The following CHD2 variants were observed in gnomAD, a reference collection of about 807,000 sequenced individuals.
CHD2 encodes the protein ATP-dependent chromatin remodeler CHD2.
CHD2 carries 28 observed loss-of-function variants against 243.9 expected under a neutral mutation model. The ratio of observed to expected loss-of-function variants is 0.11; its 90% CI spans 0.09 to 0.16. The LOEUF is 0.16. Ranked by LOEUF, CHD2 falls within the 10% of genes least tolerant of loss-of-function variation. The probability of loss-of-function intolerance (pLI) is 1.00; values close to 1 mark genes in which losing one functional copy is unlikely to be tolerated. For synonymous variants in CHD2, 775 were observed against 779.0 expected, an observed-to-expected ratio of 0.99 and a Z score of 0.09; for missense variants, 1,386 against 2,209.8, an observed-to-expected ratio of 0.63 and a Z score of 7.47.
chr15:92,928,718 G>T (rs1260663647), intron 4 of CHD2, among the ~76,000 whole-genome samples: 5 of 152,204 alleles, frequency 3.3e-5, no homozygotes, highest in African/African-American at 9.6e-5. Context: ...TGGCTGATGG[G>T]TACTGTATTG....
At chr15:93,017,496 T>A (rs2054478742) in intron 37 of CHD2, among the ~76,000 whole-genome samples, 1 of 121,310 alleles carries the variant, frequency 8.2e-6, no homozygotes, top group South Asian at 2.7e-4. Context: ...GGGCTAATTT[T>A]TTTTTTTTTT....
In CHD2 at chr15:92,941,950, AAGG is replaced by A. The variant is rs1458462083; in HGVS notation, c.825_826+1del. On this transcript the variant is annotated inframe_deletion and splice_region_variant, in exon 8 of 39. Transcript: ENST00000394196. ...GTCTTAGATTCAAGACTGGGAAAGA[AAGG>A]AGGTATGTGTATTTGGGGAGCAAAT... 5 of 1,612,154 alleles carry A rather than the reference AAGG, an allele frequency of 3.1e-6. No homozygotes were observed. The highest frequency in any genetic ancestry group is 4.2e-6 in the Non-Finnish European group (5 of 1,179,322).
At chr15:92,984,243 T>G in intron 24 of CHD2, 87 bp from the exon 25 acceptor site, 1 of 1,014,802 alleles carries the variant, frequency 9.9e-7, no homozygotes, top group Non-Finnish European at 1.3e-6. Flanking sequence ...TCACAGTGTC[T>G]ACTTAGATAA....
At chr15:92,905,699 A>C (rs951994704) in intron 2 of CHD2, among the ~76,000 whole-genome samples, 1 of 152,242 alleles carries the variant, frequency 6.6e-6, no homozygotes, top group African/African-American at 2.4e-5. Context: ...TAGTTTGTGA[A>C]AACTAGCTGA....
chr15:92,967,279 C>A (rs889261281), intron 16 of CHD2, 46 bp from the exon 17 acceptor site: 1 of 1,338,180 alleles, frequency 7.5e-7, no homozygotes, highest in East Asian at 2.5e-5. Context: ...TCCTATTCTT[C>A]TTTTCCTCAA....
In CHD2 at chr15:92,900,446, G is replaced by C. The variant is rs1313106738; in HGVS notation, c.-450G>C. On this transcript the variant is annotated 5_prime_UTR_variant, in exon 1 of 39. Transcript: ENST00000394196. ...CGGGCAGCCTCAGGGGGCCCCCGTA[G>C]CCCCCTGCCTTTCCTAGGGACTTAC... The C allele has an allele frequency of 2.5e-6, 1 of 396,896 alleles. No individual in the cohort carries two copies. Among genetic ancestry groups the C allele is most frequent in the Non-Finnish European group, 4.4e-6 (1 of 225,102 alleles). The allele number at this position is 396,896 out of a possible 1,614,324, so 24.6% of individuals were successfully genotyped here. A position where few individuals can be genotyped will look rare whatever the true frequency, so the allele number is the denominator to read the frequency against.
intron 37 of CHD2, among the ~76,000 whole-genome samples, chr15:93,018,743 C>T (rs185445759): frequency 4.6e-5 from 7 of 152,006 alleles, no homozygotes; most frequent in Non-Finnish European, 7.4e-5. Context: ...TGACTCACGC[C>T]GATTTCTGCC....
At chr15:92,934,127 A>C (rs2053224324) in intron 5 of CHD2, among the ~76,000 whole-genome samples, 1 of 152,212 alleles carries the variant, frequency 6.6e-6, no homozygotes, top group Non-Finnish European at 1.5e-5. Context: ...CAGACAGTTA[A>C]TAGCAAGCCT....
At chr15:92,989,104 T>C (rs935086877) in intron 26 of CHD2, among the ~76,000 whole-genome samples, 10 of 146,828 alleles carry the variant, frequency 6.8e-5, no homozygotes, top group Non-Finnish European at 1.2e-4. Context: ...CGATTTTGGC[T>C]CACTGCAACC....
At chr15:92,993,028 G>A (rs374660316) in intron 28 of CHD2, 30 bp downstream of exon 28, 53 of 1,610,606 alleles carry the variant, frequency 3.3e-5, no homozygotes, top group East Asian at 2.9e-4. Flanking sequence ...GTGAGTCTTC[G>A]CAACCTGGCA....
chr15:93,001,882 A>G (rs1316074422), intron 32 of CHD2, among the ~76,000 whole-genome samples: 1 of 152,206 alleles, frequency 6.6e-6, no homozygotes, highest in East Asian at 1.9e-4. Flanking sequence ...ATAGGTATAT[A>G]ATCTCTTTGG....
intron 19 of CHD2, chr15:92,974,648 G>C: frequency 2.3e-6 from 1 of 430,940 alleles, no homozygotes; most frequent in South Asian, 2.5e-5. Context: ...GCTAAACCTG[G>C]ACAGCCCTTT....
intron 38 of CHD2, chr15:93,020,769 C>T (rs1471237319): frequency 6.1e-6 from 1 of 164,392 alleles, no homozygotes; most frequent in Non-Finnish European, 1.3e-5. Context: ...TCTGTATTTC[C>T]TAATTTCAAA....
At chr15:92,918,607 C>T (rs946523265) in intron 2 of CHD2, among the ~76,000 whole-genome samples, 1 of 152,064 alleles carries the variant, frequency 6.6e-6, no homozygotes, top group Non-Finnish European at 1.5e-5. Flanking sequence ...CAGTTTGACC[C>T]TTTCTATTAG....
At chr15:92,963,946 C>T (rs1037301066) in intron 16 of CHD2, among the ~76,000 whole-genome samples, 4 of 152,208 alleles carry the variant, frequency 2.6e-5, no homozygotes, top group African/African-American at 9.6e-5. Flanking sequence ...AATACTTAGC[C>T]ATGATTTGCT....
At position 93,020,171 on chromosome 15, in the gene CHD2, A is replaced by G. The variant is rs773408940; in HGVS notation, c.5066A>G (p.Tyr1689Cys). 4 of 1,614,144 alleles carry G rather than the reference A, an allele frequency of 2.5e-6. No individual in the cohort carries two copies. The highest frequency in any genetic ancestry group is 1.1e-5 in the South Asian group (1 of 91,076). Residue 1689 changes from tyrosine to cysteine, a missense_variant, in exon 38 of 39, where the codon TAT becomes TGT. Transcript: ENST00000394196. ...RHMDAHRSGS[Y>C]RPNNMSRKRP... ...ATGGATGCCCACCGTTCCGGAAGCT[A>G]TCGACCCAACAACATGTCCAGAAAG...
At chr15:92,934,530 G>T (rs2053231252) in intron 5 of CHD2, among the ~76,000 whole-genome samples, 1 of 152,176 alleles carries the variant, frequency 6.6e-6, no homozygotes. Flanking sequence ...ATTGTAGACT[G>T]ACTTACAATG....
At chr15:93,017,428 C>T (rs1211346286) in intron 37 of CHD2, among the ~76,000 whole-genome samples, 1 of 151,184 alleles carries the variant, frequency 6.6e-6, no homozygotes, top group African/African-American at 2.4e-5. Context: ...CGGGTTCAAG[C>T]GATTCTCCTG....
chr15:92,923,220 C>G (rs999386202), intron 2 of CHD2, among the ~76,000 whole-genome samples: 1 of 152,056 alleles, frequency 6.6e-6, no homozygotes, highest in African/African-American at 2.4e-5. Context: ...ATAATTGCAA[C>G]CAGTTTGCAT....
Sources: gnomAD v4.1 joint callset for allele counts (sites outside exome capture counted in the v4.1 genomes callset) on GRCh38, gnomAD v4.1.1 for gene constraint, MANE v1.5 for transcripts, NCBI Gene and HGNC (gene_info 2026-07-23, HGNC 2026-07-21) for gene names.